PRKN: variants seen among roughly 807,000 people sequenced by gnomAD.
PRKN encodes E3 ubiquitin-protein ligase parkin.
In PRKN, 56 loss-of-function variants were observed where a neutral mutation model predicts 59.5. The observed-to-expected ratio is 0.94, with a 90% CI of 0.76 to 1.18. The LOEUF is 1.18. Ranked by LOEUF, PRKN falls within the 50% of genes most tolerant of loss-of-function variation. PRKN has a pLI of 0.00. For missense variants in PRKN, 657 were observed against 596.4 expected (o/e 1.10, Z -1.06); for synonymous variants, 250 against 222.1 (o/e 1.13, Z -1.12).
At chr6:161,574,350 C>T (rs1464536781) in intron 7 of PRKN, among the ~76,000 whole-genome samples, 3 of 152,148 alleles carry the variant, frequency 2.0e-5, no homozygotes, top group Non-Finnish European at 4.4e-5. Context: ...ATAAAAACCA[C>T]AGTACTACTT....
intron 1 of PRKN, among the ~76,000 whole-genome samples, chr6:162,687,188 CTTTT>C (rs749381380): frequency 7.4e-6 from 1 of 134,626 alleles, no homozygotes; most frequent in Non-Finnish European, 1.6e-5. Context: ...GCCTCTTTTT[CTTTT>C]TTTTTTTTTT....
intron 1 of PRKN, among the ~76,000 whole-genome samples, chr6:162,483,669 T>C (rs1056768497): frequency 6.6e-6 from 1 of 152,140 alleles, no homozygotes; most frequent in Non-Finnish European, 1.5e-5. Context: ...CACAGATTGC[T>C]GGAGGCAGTC....
At chr6:162,212,750 A>G (rs1785260196) in intron 3 of PRKN, among the ~76,000 whole-genome samples, 1 of 152,204 alleles carries the variant, frequency 6.6e-6, no homozygotes, top group African/African-American at 2.4e-5. Flanking sequence ...GGCATCACCT[A>G]GTACACAGCT....
At chr6:161,366,578 A>C (rs1283263805) in intron 10 of PRKN, among the ~76,000 whole-genome samples, 1 of 152,222 alleles carries the variant, frequency 6.6e-6, no homozygotes, top group African/African-American at 2.4e-5. Context: ...AACTTAGCCA[A>C]GATTGAAAAC....
chr6:161,534,283 CA>C (rs1442763547), intron 9 of PRKN, among the ~76,000 whole-genome samples: 2 of 152,208 alleles, frequency 1.3e-5, no homozygotes, highest in African/African-American at 4.8e-5. Flanking sequence ...TCACCACTTC[CA>C]GGTCAAATTT....
intron 6 of PRKN, among the ~76,000 whole-genome samples, chr6:161,935,629 T>A (rs1375347578): frequency 2.0e-5 from 3 of 150,238 alleles, no homozygotes; most frequent in Non-Finnish European, 4.4e-5. Context: ...CAGAGCAACA[T>A]GAATTCTGCT....
At chr6:161,569,226 T>C (rs1485085360) in intron 8 of PRKN, 129 bp downstream of exon 8, 1 of 783,274 alleles carries the variant, frequency 1.3e-6, no homozygotes, top group Non-Finnish European at 2.3e-6. Flanking sequence ...ATCTCCAGCA[T>C]GGTTTTCTTC....
intron 5 of PRKN, among the ~76,000 whole-genome samples, chr6:162,008,845 G>GTCATAAT (rs1782365398): frequency 6.6e-6 from 1 of 150,698 alleles, no homozygotes; most frequent in African/African-American, 2.5e-5. Flanking sequence ...AAAGGAATAT[G>GTCATAAT]ACTACAGTAG....
rs574030027 is a variant in PRKN at position 161,673,275 on chromosome 6, G to T, written c.872-103859C>A. On this transcript the variant is annotated intron_variant, in intron 7 of 11. Coordinates refer to ENST00000366898, the MANE Select transcript of PRKN (RefSeq NM_004562.3). ...TCCCATGGGGATAAGTGTGCGGGGTGGGGGCTGGGAATGCCTGGAGAAGGA... is the reference window on the plus strand; with the variant it reads ...TCCCATGGGGATAAGTGTGCGGGGTTGGGGCTGGGAATGCCTGGAGAAGGA... Among the ~76,000 whole-genome samples, 10 of 152,300 alleles carry T rather than the reference G, an allele frequency of 6.6e-5. No homozygotes were observed. The South Asian group carries it at 1.2e-3, about 19-fold the overall frequency.
In PRKN at chr6:161,376,031, G is replaced by T. The variant is rs187134878; in HGVS notation, c.1167+10763C>A. ...AATTACACCCATCTCCCAATACTGG[G>T]ACTGCATTTGTGTGTGAAGGCAGTC... is the stretch of plus-strand genomic sequence containing the variant. On this transcript the variant is annotated intron_variant, in intron 10 of 11. Coordinates refer to ENST00000366898, the MANE Select transcript of PRKN (RefSeq NM_004562.3). The surrounding 1 kb of genome is among the most constrained non-coding windows in gnomAD (Gnocchi z 7.3). Among the ~76,000 whole-genome samples the T allele has an allele frequency of 6.6e-6, 1 of 152,308 alleles. No homozygotes were observed. The highest frequency in any genetic ancestry group is 1.9e-4 in the East Asian group (1 of 5,184).
chr6:161,609,375 T>C (rs1029537707), intron 7 of PRKN, among the ~76,000 whole-genome samples: 1 of 152,164 alleles, frequency 6.6e-6, no homozygotes, highest in African/African-American at 2.4e-5. Flanking sequence ...ATTAACAGTG[T>C]TTTTTTATTT....
At chr6:161,715,010 C>T (rs1038883095) in intron 7 of PRKN, among the ~76,000 whole-genome samples, 4 of 152,194 alleles carry the variant, frequency 2.6e-5, no homozygotes, top group South Asian at 2.1e-4. Flanking sequence ...TTCCCGCCTG[C>T]TTCCTAAAAC....
At chr6:162,234,682 A>T (rs1255821908) in intron 3 of PRKN, among the ~76,000 whole-genome samples, 1 of 152,142 alleles carries the variant, frequency 6.6e-6, no homozygotes, top group Non-Finnish European at 1.5e-5. Flanking sequence ...TATGTTTTAT[A>T]TTTATTGTTA....
chr6:161,458,974 T>C lies in PRKN; in HGVS notation c.1084-72097A>G, dbSNP rs988856136. 6.6e-6 allele frequency among the ~76,000 whole-genome samples: 1 copy of C among 152,144 alleles called. No individual in the cohort carries two copies. Among genetic ancestry groups the C allele is most frequent in the Non-Finnish European group, 1.5e-5 (1 of 68,018 alleles). ...TGGACAGCCTCAAATCCCTTCATCT[T>C]ATCTGGAGGGAAGACAGGAATGAAA... On this transcript the variant is annotated intron_variant, in intron 9 of 11. Transcript: ENST00000366898. The surrounding 1 kb of genome is among the most constrained non-coding windows in gnomAD (Gnocchi z 6.1).
intron 6 of PRKN, among the ~76,000 whole-genome samples, chr6:161,913,933 T>C (rs1670652040): frequency 6.6e-6 from 1 of 152,198 alleles, no homozygotes; most frequent in Admixed American, 6.5e-5. Context: ...CAGCTGTCAA[T>C]AAACCACGAA....
chr6:161,760,141 C>T (rs978602091), intron 7 of PRKN, among the ~76,000 whole-genome samples: 1 of 147,402 alleles, frequency 6.8e-6, no homozygotes. Context: ...ATATCGTCCA[C>T]TTTATGAATA....
intron 5 of PRKN, among the ~76,000 whole-genome samples, chr6:162,008,622 C>T (rs1007477795): frequency 2.6e-5 from 4 of 152,088 alleles, no homozygotes; most frequent in South Asian, 2.1e-4. Flanking sequence ...CCTCAGTTAT[C>T]AGTCTTCCTT....
intron 1 of PRKN, among the ~76,000 whole-genome samples, chr6:162,469,509 T>TAC (rs74725154): frequency 0.077 from 11,541 of 148,952 alleles, 1,272 homozygotes; most frequent in African/African-American, 0.25. Flanking sequence ...TGTGTGTGTA[T>TAC]ACACACACAC....
chr6:161,686,371 C>T (rs1370886139), intron 7 of PRKN, among the ~76,000 whole-genome samples: 3 of 152,130 alleles, frequency 2.0e-5, no homozygotes, highest in African/African-American at 7.2e-5. Flanking sequence ...CCTCATTCTT[C>T]CCATATGTTT....
Sources: allele counts gnomAD v4.1 joint callset (sites outside exome capture counted in the v4.1 genomes callset), GRCh38; gene constraint gnomAD v4.1.1; non-coding constraint Gnocchi (gnomAD v3.1); transcripts MANE v1.5; gene names NCBI Gene and HGNC (gene_info 2026-07-23, HGNC 2026-07-21).